Variants in NAALADL2 observed in about 807,000 individuals in gnomAD.
NAALADL2 encodes inactive N-acetylated-alpha-linked acidic dipeptidase-like protein 2.
Under a neutral mutation model 87.2 loss-of-function variants are expected in NAALADL2, and 76 were observed. The observed-to-expected ratio is 0.87, with a 90% CI of 0.72 to 1.05. The LOEUF (loss-of-function observed/expected upper bound fraction) is 1.05, where lower values mean the gene tolerates loss of function less well. NAALADL2 is among the 50% of genes least tolerant of loss of function. The pLI is 0.00. For synonymous variants in NAALADL2, 354 were observed against 331.0 expected, an observed-to-expected ratio of 1.07 and a Z score of -0.75; for missense variants, 1,089 against 945.8, an observed-to-expected ratio of 1.15 and a Z score of -1.99.
chr3:175,096,979 A>G lies in NAALADL2; in HGVS notation c.233A>G (p.Glu78Gly), dbSNP rs779848968. ...GAENQNLGHS[E>G]TIDLNLDSIQ... ...GAGAATCAGAACCTAGGGCATTCAG[A>G]GACTATAGACCTCAATCTTGATTCC... Residue 78 changes from glutamate (E) to glycine (G), a missense_variant, in exon 2 of 14, where the codon GAG (glutamate) becomes GGG (glycine). Coordinates refer to ENST00000454872, the MANE Select transcript of NAALADL2 (RefSeq NM_207015.3). The G allele has an allele frequency of 6.8e-6, 11 of 1,613,334 alleles. No individual in the cohort carries two copies. The highest frequency in any genetic ancestry group is 2.7e-5 in the African/African-American group (2 of 74,892).
At chr3:175,606,034 C>T (rs1723688182) in intron 10 of NAALADL2, among the ~76,000 whole-genome samples, 1 of 152,130 alleles carries the variant, frequency 6.6e-6, no homozygotes, top group South Asian at 2.1e-4. Flanking sequence ...GACCTCTCAG[C>T]AAGTTTTAGC....
At chr3:174,454,527 G>T (rs748404301) in intron 1 of NAALADL2, among the ~76,000 whole-genome samples, 1 of 152,044 alleles carries the variant, frequency 6.6e-6, no homozygotes, top group East Asian at 1.9e-4. Context: ...AATTGAAATC[G>T]TAAGAACCAC....
intron 10 of NAALADL2, among the ~76,000 whole-genome samples, chr3:175,621,362 T>A (rs926792610): frequency 6.6e-6 from 1 of 152,268 alleles, no homozygotes; most frequent in African/African-American, 2.4e-5. Flanking sequence ...AATGTAATGT[T>A]ACCTATGTTA....
At chr3:174,584,395 C>G (rs1488338575) in intron 2 of NAALADL2, among the ~76,000 whole-genome samples, 2 of 152,090 alleles carry the variant, frequency 1.3e-5, no homozygotes, top group Non-Finnish European at 2.9e-5. Context: ...CAACCTTCTA[C>G]AAGTGAAATC....
intron 8 of NAALADL2, 55 bp from the exon 9 acceptor site, chr3:175,471,584 A>C: frequency 1.0e-6 from 1 of 995,986 alleles, no homozygotes; most frequent in Non-Finnish European, 1.5e-6. Flanking sequence ...TAACTAATAA[A>C]GTAGAATCTA....
chr3:175,072,724 A>T (rs1392293262), intron 1 of NAALADL2, among the ~76,000 whole-genome samples: 1 of 147,516 alleles, frequency 6.8e-6, no homozygotes, highest in Non-Finnish European at 1.5e-5. Context: ...GCATTAGGAG[A>T]TATACCTAAT....
At chr3:175,175,108 T>C (rs1735519371) in intron 2 of NAALADL2, among the ~76,000 whole-genome samples, 1 of 152,060 alleles carries the variant, frequency 6.6e-6, no homozygotes. Flanking sequence ...ATACAAATTC[T>C]ATCCAGTAAA....
intron 2 of NAALADL2, among the ~76,000 whole-genome samples, chr3:174,698,220 T>A: frequency 7.1e-6 from 1 of 139,926 alleles, no homozygotes; most frequent in South Asian, 2.3e-4. Context: ...TAGTTTTGGG[T>A]AGGATTATTT....
At chr3:175,704,768 G>C (rs1561005978) in intron 11 of NAALADL2, among the ~76,000 whole-genome samples, 1 of 152,158 alleles carries the variant, frequency 6.6e-6, no homozygotes, top group Non-Finnish European at 1.5e-5. Flanking sequence ...TATTTGCACA[G>C]CTGTTTCTGC....
At chr3:175,100,337 G>GA (rs1721919467) in intron 2 of NAALADL2, among the ~76,000 whole-genome samples, 1 of 152,072 alleles carries the variant, frequency 6.6e-6, no homozygotes, top group South Asian at 2.1e-4. Flanking sequence ...AAGCATTTTT[G>GA]AAAAAGCTGC....
intron 5 of NAALADL2, among the ~76,000 whole-genome samples, chr3:175,411,488 G>GGA (rs1713506746): frequency 6.6e-6 from 1 of 151,764 alleles, no homozygotes; most frequent in African/African-American, 2.4e-5. Flanking sequence ...TGTTATGGGG[G>GGA]AAAAATGAAG....
At chr3:175,675,565 T>G (rs1283406576) in intron 11 of NAALADL2, 1 of 152,230 alleles carries the variant, frequency 6.6e-6, no homozygotes, top group Non-Finnish European at 1.5e-5. Context: ...CTGTGAGTAA[T>G]TCTTCCAATT....
intron 2 of NAALADL2, among the ~76,000 whole-genome samples, chr3:175,130,724 A>G (rs1217912726): frequency 6.6e-6 from 1 of 152,108 alleles, no homozygotes; most frequent in Admixed American, 6.5e-5. Flanking sequence ...TGACACATGT[A>G]TGTGTCTATT....
rs184053167 is a variant in NAALADL2 at position 175,617,492 on chromosome 3, T to A, written c.1801-9799T>A. Among the ~76,000 whole-genome samples, 507 of 152,314 alleles carry A rather than the reference T, an allele frequency of 3.3e-3. 3 individuals are homozygous for A. The highest frequency in any genetic ancestry group is 0.012 in the African/African-American group (485 of 41,574). ...GCTGCCTGGGCAGTCCTTCCTAAAG[T>A]GCCTTGGCTTGACACATTTGTAGCA... On this transcript the variant is annotated intron_variant, in intron 10 of 13. Coordinates refer to ENST00000454872, the MANE Select transcript of NAALADL2 (RefSeq NM_207015.3).
chr3:175,654,336 A>G (rs1221510987), intron 11 of NAALADL2, among the ~76,000 whole-genome samples: 1 of 152,084 alleles, frequency 6.6e-6, no homozygotes, highest in Non-Finnish European at 1.5e-5. Flanking sequence ...TCTTGATGGC[A>G]TCTAGGAATT....
intron 2 of NAALADL2, among the ~76,000 whole-genome samples, chr3:174,713,153 A>G (rs1730840332): frequency 1.3e-5 from 2 of 152,176 alleles, no homozygotes; most frequent in African/African-American, 4.8e-5. Context: ...TTATGGCTGC[A>G]TAGTATTCCA....
At chr3:174,669,878 T>C (rs1726358871) in intron 2 of NAALADL2, among the ~76,000 whole-genome samples, 1 of 152,048 alleles carries the variant, frequency 6.6e-6, no homozygotes, top group Non-Finnish European at 1.5e-5. Context: ...AACACAAATG[T>C]CCTTTCTCTT....
At chr3:175,705,350 AT>A (rs554828769) in intron 11 of NAALADL2, among the ~76,000 whole-genome samples, 84 of 152,138 alleles carry the variant, frequency 5.5e-4, no homozygotes, top group Admixed American at 4.1e-3. Flanking sequence ...GACTAGTTGG[AT>A]TTTTTTTAAT....
At chr3:175,067,725 G>C (rs147630332) in intron 1 of NAALADL2, among the ~76,000 whole-genome samples, 1 of 152,084 alleles carries the variant, frequency 6.6e-6, no homozygotes, top group South Asian at 2.1e-4. Flanking sequence ...GTTTGACCCA[G>C]CAATCCCTAC....
Sources: gnomAD v4.1 joint callset for allele counts (sites outside exome capture counted in the v4.1 genomes callset) on GRCh38, gnomAD v4.1.1 for gene constraint, MANE v1.5 for transcripts, NCBI Gene and HGNC (gene_info 2026-07-23, HGNC 2026-07-21) for gene names.